The following RPGRIP1L variants were observed in gnomAD, a reference collection of about 807,000 sequenced individuals.
RPGRIP1L encodes the protein protein fantom.
RPGRIP1L carries 131 observed loss-of-function variants against 160.4 expected under a neutral mutation model. The ratio of observed to expected loss-of-function variants is 0.82; its 90% CI spans 0.71 to 0.94. The LOEUF (loss-of-function observed/expected upper bound fraction) is 0.94, where lower values mean the gene tolerates loss of function less well. Ranked by LOEUF, RPGRIP1L falls within the 40% of genes least tolerant of loss-of-function variation. The pLI, the probability that RPGRIP1L is intolerant of heterozygous loss-of-function variation, is 0.00. For missense variants in RPGRIP1L, 1,522 were observed against 1,535.8 expected (o/e 0.99, Z 0.15); for synonymous variants, 510 against 515.8 (o/e 0.99, Z 0.15).
chr16:53,623,836 A>G (rs1304036403), intron 22 of RPGRIP1L, among the ~76,000 whole-genome samples: 1 of 152,136 alleles, frequency 6.6e-6, no homozygotes, highest in Admixed American at 6.5e-5. Context: ...CCCAACATAG[A>G]CTGTCAATAA....
intron 4 of RPGRIP1L, among the ~76,000 whole-genome samples, chr16:53,689,416 C>T (rs538885984): frequency 3.2e-4 from 48 of 152,276 alleles, no homozygotes; most frequent in Middle Eastern, 6.8e-3. Context: ...CCATACTCTT[C>T]CCAGCCTCTA....
intron 16 of RPGRIP1L, among the ~76,000 whole-genome samples, chr16:53,647,207 C>T (rs1966612525): frequency 6.6e-6 from 1 of 152,194 alleles, no homozygotes; most frequent in Admixed American, 6.5e-5. Context: ...TGCACTCTTT[C>T]TTAAGTTTGG....
chr16:53,637,004 G>C (rs1297163205), intron 21 of RPGRIP1L, among the ~76,000 whole-genome samples: 1 of 150,846 alleles, frequency 6.6e-6, no homozygotes, highest in Non-Finnish European at 1.5e-5. Context: ...ATTACTTTTA[G>C]AGACAGGGTC....
intron 7 of RPGRIP1L, among the ~76,000 whole-genome samples, 190 bp from the exon 8 acceptor site, chr16:53,673,206 T>C (rs1255525540): frequency 6.6e-6 from 1 of 152,192 alleles, no homozygotes; most frequent in African/African-American, 2.4e-5. Context: ...TCTGAACATG[T>C]GTGTGACATG....
At position 53,619,138 on chromosome 16, in the gene RPGRIP1L, G is replaced by A; in HGVS notation, c.3503C>T (p.Thr1168Ile). 1.2e-6 allele frequency: 2 copies of A among 1,613,984 alleles called. No homozygotes were observed. The highest frequency in any genetic ancestry group is 1.7e-6 in the Non-Finnish European group (2 of 1,179,934). Residue 1168 changes from threonine to isoleucine, a missense_variant, in exon 24 of 27, where the codon ACT becomes ATT. Physicochemically the swap from Thr to Ile is moderately conservative, Grantham distance 89. Transcript: ENST00000647211. ...ACACTCAACAAACAGCCGTTGGATA[G>A]TGTCATCCATGGTTACTTGAGAATC... ...LNDSQVTMDD[T>I]IQRLFVECRF...
intron 5 of RPGRIP1L, 71 bp from the exon 6 acceptor site, chr16:53,686,647 G>T: frequency 6.6e-7 from 1 of 1,510,666 alleles, no homozygotes; most frequent in Non-Finnish European, 9.2e-7. Context: ...TCAGTGCAAA[G>T]AAAGTTCTTC....
chr16:53,664,980 C>T lies in RPGRIP1L; in HGVS notation c.1133G>A (p.Trp378Ter). ...TTTCAGCTGTTGCTCCTTTAACTTCCATTGCTCTTCATGGGCAGCACTGAA... is the reference window on the plus strand; with the variant it reads ...TTTCAGCTGTTGCTCCTTTAACTTCTATTGCTCTTCATGGGCAGCACTGAA... ...SAFSAAHEEQ[W>*]KLKEQQLKVQ... is the part of the protein sequence containing the mutation. Residue 378 changes from tryptophan (W) to a stop codon, truncating the protein, a stop_gained, in exon 10 of 27, where the codon TGG becomes TAG. Transcript: ENST00000647211. LOFTEE classifies it high-confidence loss of function. 1 of 1,613,678 alleles carries T rather than the reference C, an allele frequency of 6.2e-7. No homozygotes were observed. Among genetic ancestry groups the T allele is most frequent in the Non-Finnish European group, 8.5e-7 (1 of 1,179,916 alleles).
intron 4 of RPGRIP1L, 65 bp downstream of exon 4, chr16:53,692,001 T>G: frequency 6.8e-7 from 1 of 1,479,820 alleles, no homozygotes. Flanking sequence ...TAAAACTTTG[T>G]GTTTTTTTTG....
rs1002911839 is a variant in RPGRIP1L at position 53,686,618 on chromosome 16, A to C, written c.633-42T>G. 4 of 1,605,160 alleles carry C rather than the reference A, an allele frequency of 2.5e-6. No individual in the cohort carries two copies. In the African/African-American group the frequency reaches 4.0e-5, roughly 16 times the overall value. ...CTGTAAGAACTTGTAGTTTGAGGAA[A>C]ATTTTTCAATAGTTAAGATCAGTGC... On this transcript the variant is annotated intron_variant, in intron 5 of 26. Transcript: ENST00000647211.
intron 14 of RPGRIP1L, among the ~76,000 whole-genome samples, chr16:53,654,984 T>C (rs1404061400): frequency 6.6e-6 from 1 of 152,218 alleles, no homozygotes; most frequent in Non-Finnish European, 1.5e-5. Context: ...CCCCTGATGG[T>C]CTCTGAAACC....
rs1233830774 is a variant in RPGRIP1L, at chr16:53,599,522, AACTAAAAGC to A, written c.*2545_*2553del. 3 of 152,210 alleles carry A rather than the reference AACTAAAAGC, an allele frequency of 2.0e-5. No individual in the cohort carries two copies. The highest frequency in any genetic ancestry group is 1.3e-4 in the Admixed American group (2 of 15,280). 9.4% of individuals were successfully genotyped at this position (152,210 alleles called of 1,614,324 possible). A position where few individuals can be genotyped will look rare whatever the true frequency, so the allele number is the denominator to read the frequency against. On this transcript the variant is annotated 3_prime_UTR_variant, in exon 27 of 27. Coordinates refer to ENST00000647211, the MANE Select transcript of RPGRIP1L (RefSeq NM_015272.5). The stretch of plus-strand genomic sequence containing the variant: ...CATCACATCTCTATTTGTATTTCCA[AACTAAAAGC>A]ATTACAGCCCAAAAAAGTGCTGCGT...
chr16:53,687,002 C>G (rs938650581), intron 5 of RPGRIP1L, among the ~76,000 whole-genome samples: 1 of 152,080 alleles, frequency 6.6e-6, no homozygotes, highest in South Asian at 2.1e-4. Context: ...CTCTGGCATG[C>G]ATTTATCTCT....
chr16:53,668,165 C>T (rs973694044), intron 9 of RPGRIP1L, among the ~76,000 whole-genome samples: 3 of 151,894 alleles, frequency 2.0e-5, no homozygotes, highest in Non-Finnish European at 4.4e-5. Context: ...AAGATGATGC[C>T]CCAAATGTAC....
At chr16:53,644,437 G>A (rs1811904917) in intron 17 of RPGRIP1L, among the ~76,000 whole-genome samples, 1 of 152,092 alleles carries the variant, frequency 6.6e-6, no homozygotes, top group Non-Finnish European at 1.5e-5. Flanking sequence ...AATAATGGCA[G>A]TAAACTCCCC....
rs1392008694 is a variant in RPGRIP1L, at chr16:53,645,752, C to A, written c.2556G>T (p.Leu852Phe). 3.1e-6 allele frequency: 5 copies of A among 1,614,098 alleles called. No homozygotes were observed. Among genetic ancestry groups the A allele is most frequent in the Non-Finnish European group, 3.4e-6 (4 of 1,179,992 alleles). The change falls in exon 17 of 27, where the codon TTG (leucine) becomes TTT (phenylalanine). Residue 852 changes from leucine (L) to phenylalanine (F), a missense_variant. Coordinates refer to ENST00000647211, the MANE Select transcript of RPGRIP1L (RefSeq NM_015272.5). The stretch of plus-strand genomic sequence containing the variant: ...GAGACTCTGACTTAAGGTATCGATC[C>A]AAGTCCATATTCATTGGCACTGGGA... ...MYFPVPMNMD[L>F]DRYLKSESLS...
chr16:53,629,357 G>A (rs935250592), intron 22 of RPGRIP1L, among the ~76,000 whole-genome samples: 6 of 152,142 alleles, frequency 3.9e-5, no homozygotes, highest in South Asian at 2.1e-4. Flanking sequence ...GATAAAACAC[G>A]GATTGGTGGA....
At chr16:53,638,527 C>T (rs1965988706) in intron 19 of RPGRIP1L, 116 bp from the exon 20 acceptor site, 3 of 596,346 alleles carry the variant, frequency 5.0e-6, no homozygotes, top group Non-Finnish European at 9.0e-6. Flanking sequence ...GTAACAGTTA[C>T]TCATATGACA....
At chr16:53,655,301 G>A (rs964836903) in intron 14 of RPGRIP1L, among the ~76,000 whole-genome samples, 7 of 151,902 alleles carry the variant, frequency 4.6e-5, no homozygotes, top group South Asian at 2.1e-4. Context: ...ATGTTAACAC[G>A]CAATAAGTTT....
At chr16:53,646,516 C>T (rs540916700) in intron 16 of RPGRIP1L, among the ~76,000 whole-genome samples, 2 of 152,096 alleles carry the variant, frequency 1.3e-5, no homozygotes, top group Middle Eastern at 6.8e-3. Flanking sequence ...AGAGACAAAC[C>T]TTGAAGGGAA....
Sources: gnomAD v4.1 joint callset for allele counts (sites outside exome capture counted in the v4.1 genomes callset) on GRCh38, gnomAD v4.1.1 for gene constraint, MANE v1.5 for transcripts, NCBI Gene and HGNC (gene_info 2026-07-23, HGNC 2026-07-21) for gene names.